The following JMJD1C variants were observed in gnomAD, a reference collection of about 807,000 sequenced individuals.
JMJD1C encodes the protein jumonji domain-containing protein 1C.
JMJD1C carries 31 observed loss-of-function variants against 245.3 expected under a neutral mutation model. The ratio of observed to expected loss-of-function variants is 0.13; its 90% CI spans 0.09 to 0.17. JMJD1C has a LOEUF of 0.17. Among genes scored for constraint, JMJD1C ranks in the 10% least tolerant of loss-of-function variants. JMJD1C has a pLI of 1.00. For missense variants in JMJD1C, 2,691 were observed against 3,000.2 expected, an observed-to-expected ratio of 0.90 and a Z score of 2.41; for synonymous variants, 1,057 against 1,017.4, an observed-to-expected ratio of 1.04 and a Z score of -0.74.
chr10:63,368,441 A>C (rs554565054), intron 2 of JMJD1C, among the ~76,000 whole-genome samples: 1 of 152,296 alleles, frequency 6.6e-6, no homozygotes, highest in Admixed American at 6.5e-5. Flanking sequence ...AGACAAGGTA[A>C]GTAGCTTTGT....
intron 10 of JMJD1C, chr10:63,203,039 A>G (rs1177140084): frequency 8.1e-6 from 8 of 984,982 alleles, no homozygotes; most frequent in Non-Finnish European, 9.6e-6. Context: ...GACATTTCAA[A>G]GCAAATCTCA....
At chr10:63,408,430 T>A (rs1949296733) in intron 1 of JMJD1C, among the ~76,000 whole-genome samples, 4 of 151,430 alleles carry the variant, frequency 2.6e-5, no homozygotes, top group Admixed American at 1.3e-4. Context: ...AAAATCAATG[T>A]ACATCTAGGA....
At chr10:63,411,250 G>C (rs1949453357) in intron 1 of JMJD1C, among the ~76,000 whole-genome samples, 1 of 151,566 alleles carries the variant, frequency 6.6e-6, no homozygotes, top group South Asian at 2.1e-4. Context: ...TACAGTGAGT[G>C]AGAAACATGG....
chr10:63,217,312 T>A lies in JMJD1C; in HGVS notation c.573A>T (p.Gly191=), dbSNP rs1564628373. ...IFMQGPYSLN[G]YRVRVYRQDS... is the part of the protein sequence containing the mutation. ...CTTGTCTATATACTCTCACTCTGTA[T>A]CCATTTAAGGAATAAGGACCTTAAA... Residue 191 remains glycine (G), a synonymous_variant, in exon 5 of 26, where the codon GGA becomes GGT. Coordinates refer to ENST00000399262, the MANE Select transcript of JMJD1C (RefSeq NM_032776.3). 1 of 1,597,984 alleles carries A rather than the reference T, an allele frequency of 6.3e-7. No individual in the cohort carries two copies. Among genetic ancestry groups the A allele is most frequent in the East Asian group, 2.2e-5 (1 of 44,572 alleles).
chr10:63,325,022 T>C (rs1165110974), intron 2 of JMJD1C, among the ~76,000 whole-genome samples: 1 of 152,168 alleles, frequency 6.6e-6, no homozygotes, highest in Non-Finnish European at 1.5e-5. Context: ...AAGATATATA[T>C]AGTCTAATTC....
chr10:63,241,659 A>G, intron 3 of JMJD1C, among the ~76,000 whole-genome samples: 1 of 152,142 alleles, frequency 6.6e-6, no homozygotes, highest in Non-Finnish European at 1.5e-5. Context: ...TTTAGGGCCT[A>G]TCCATTTTCT....
chr10:63,330,272 C>G (rs1203017072), intron 2 of JMJD1C, among the ~76,000 whole-genome samples: 1 of 152,060 alleles, frequency 6.6e-6, no homozygotes, highest in Admixed American at 6.6e-5. Flanking sequence ...AATGCATTTT[C>G]AATTTAGAAT....
At chr10:63,322,555 C>T (rs930293560) in intron 2 of JMJD1C, among the ~76,000 whole-genome samples, 5 of 152,084 alleles carry the variant, frequency 3.3e-5, no homozygotes, top group African/African-American at 1.2e-4. Context: ...TGGCTCACAC[C>T]TGTACTCCCA....
At chr10:63,468,118 C>A (rs992082969), upstream of JMJD1C, among the ~76,000 whole-genome samples, 6 of 152,116 alleles carry the variant, frequency 3.9e-5, no homozygotes, top group African/African-American at 1.4e-4. Flanking sequence ...TGTAATCCAA[C>A]AAATCAATCA....
At chr10:63,495,514 G>A (rs1032842861) in intron 1 of JMJD1C, among the ~76,000 whole-genome samples, 5 of 152,186 alleles carry the variant, frequency 3.3e-5, no homozygotes, top group Non-Finnish European at 5.9e-5. Flanking sequence ...GCTCACGCCT[G>A]TAATCCCAGC....
At chr10:63,283,368 T>A (rs1374061218) in intron 2 of JMJD1C, among the ~76,000 whole-genome samples, 1 of 16,678 alleles carries the variant, frequency 6.0e-5, no homozygotes, top group African/African-American at 9.4e-5. Context: ...TTTCTGAGCC[T>A]TTTTTTTTTT....
intron 2 of JMJD1C, among the ~76,000 whole-genome samples, chr10:63,379,550 T>C (rs932225949): frequency 6.6e-6 from 1 of 152,198 alleles, no homozygotes; most frequent in Non-Finnish European, 1.5e-5. Context: ...CCTGAATAAT[T>C]ACACATTAAA....
intron 1 of JMJD1C, among the ~76,000 whole-genome samples, chr10:63,394,240 GAC>G (rs1232645196): frequency 6.9e-6 from 1 of 144,360 alleles, no homozygotes; most frequent in Non-Finnish European, 1.5e-5. Context: ...AAAAAAACTA[GAC>G]ACACAGATGA....
At position 63,521,522 on chromosome 10, in the gene JMJD1C, C is replaced by G. The variant is rs368304989; in HGVS notation, n.113+216G>C. 28 of 1,413,922 alleles carry G rather than the reference C, an allele frequency of 2.0e-5. 1 individual carries two copies. The South Asian group carries it at 2.7e-4, about 14-fold the overall frequency. The allele number at this position is 1,413,922 out of a possible 1,614,324, so 87.6% of individuals were successfully genotyped here. A position where few individuals can be genotyped will look rare whatever the true frequency, so the allele number is the denominator to read the frequency against. Reference sequence around the variant, plus strand: ...GCGCCCTGCGCCCACCCGCCCCGGACGTGGGGCCCAAGCCCCCGTGAAGAT... The same window carrying G: ...GCGCCCTGCGCCCACCCGCCCCGGAGGTGGGGCCCAAGCCCCCGTGAAGAT... On this transcript the variant is annotated intron_variant and non_coding_transcript_variant, in intron 1 of 3. Transcript: ENST00000633035.
intron 2 of JMJD1C, among the ~76,000 whole-genome samples, chr10:63,321,852 C>T (rs1053442523): frequency 8.5e-5 from 13 of 152,302 alleles, no homozygotes; most frequent in African/African-American, 2.9e-4. Flanking sequence ...CTCTCTTGAC[C>T]TGGGACAAAG....
At chr10:63,392,281 G>A (rs1357730424) in intron 1 of JMJD1C, among the ~76,000 whole-genome samples, 1 of 152,068 alleles carries the variant, frequency 6.6e-6, no homozygotes, top group Non-Finnish European at 1.5e-5. Context: ...AGAAAACAAA[G>A]GGAGAACACT....
At chr10:63,202,410 G>GT (rs1213861796) in intron 10 of JMJD1C, 1 of 985,262 alleles carries the variant, frequency 1.0e-6, no homozygotes, top group Non-Finnish European at 1.2e-6. Context: ...GAATAAAACT[G>GT]TATTTCCTAC....
chr10:63,265,007 C>A (rs1343122029), intron 2 of JMJD1C, among the ~76,000 whole-genome samples: 1 of 152,058 alleles, frequency 6.6e-6, no homozygotes, highest in Non-Finnish European at 1.5e-5. Flanking sequence ...TAAGTCCCAA[C>A]TGTTTACTTT....
intron 3 of JMJD1C, among the ~76,000 whole-genome samples, chr10:63,228,215 A>AT (rs1231996986): frequency 1.4e-5 from 2 of 145,768 alleles, no homozygotes; most frequent in African/African-American, 4.9e-5. Flanking sequence ...TAGCTAAAAA[A>AT]ATACCATAAA....
Sources: gnomAD v4.1 joint callset for allele counts (sites outside exome capture counted in the v4.1 genomes callset) on GRCh38, gnomAD v4.1.1 for gene constraint, MANE v1.5 for transcripts, NCBI Gene and HGNC (gene_info 2026-07-23, HGNC 2026-07-21) for gene names.